PHC1: variants seen among roughly 807,000 people sequenced by gnomAD.
PHC1 encodes the protein polyhomeotic homolog 1.
Under a neutral mutation model 104.3 loss-of-function variants are expected in PHC1, and 12 were observed. The observed-to-expected ratio is 0.12, with a 90% CI of 0.07 to 0.19. The LOEUF (loss-of-function observed/expected upper bound fraction) is 0.19. Among genes scored for constraint, PHC1 ranks in the 10% least tolerant of loss-of-function variants. The pLI is 1.00. For missense variants in PHC1, 671 were observed against 1,200.0 expected, an observed-to-expected ratio of 0.56 and a Z score of 6.51; for synonymous variants, 302 against 455.8, an observed-to-expected ratio of 0.66 and a Z score of 4.30.
chr12:8,931,627 T>C (rs1451867142), intron 7 of PHC1, among the ~76,000 whole-genome samples: 4 of 152,126 alleles, frequency 2.6e-5, no homozygotes, highest in Non-Finnish European at 5.9e-5. Context: ...TTGAACCCGG[T>C]TGGCAGAGGT....
chr12:8,931,073 C>A, intron 7 of PHC1, 146 bp downstream of exon 7: 1 of 810,578 alleles, frequency 1.2e-6, no homozygotes, highest in Non-Finnish European at 1.9e-6. Context: ...GGAATAATAT[C>A]AGCCTTGAAC....
At chr12:8,937,413 G>T (rs982660588) in intron 13 of PHC1, 87 bp downstream of exon 13, 4 of 1,225,128 alleles carry the variant, frequency 3.3e-6, no homozygotes, top group Non-Finnish European at 4.5e-6. Context: ...CAGGTAAGAG[G>T]GTGTGAGATG....
intron 14 of PHC1, 59 bp from the exon 15 acceptor site, chr12:8,939,246 T>C: frequency 1.9e-6 from 3 of 1,601,392 alleles, no homozygotes; most frequent in Non-Finnish European, 2.6e-6. Context: ...CTCAGTTTCA[T>C]TTAGCTTCCC....
intron 4 of PHC1, 51 bp downstream of exon 4, chr12:8,921,116 C>G: frequency 1.5e-6 from 2 of 1,376,700 alleles, no homozygotes; most frequent in Non-Finnish European, 1.0e-6. Context: ...GTCTTTGTCT[C>G]TGGGTTAAAT....
At position 8,921,685 on chromosome 12, in the gene PHC1, T is replaced by C. The variant is rs1945368546; in HGVS notation, c.391T>C (p.Ser131Pro). Residue 131 changes from serine to proline, a missense_variant, in exon 5 of 15, where the codon TCT (serine) becomes CCT (proline). Ser to Pro is a moderately conservative substitution (Grantham distance 74, BLOSUM62 -1). Around this residue, in one of 9 missense-constraint regions of PHC1, gnomAD observed 237 missense variants for 331.1 expected, o/e 0.72. Transcript: ENST00000544916. ...SSPSATTLTQ[S>P]VLLGNTTSPP... is the part of the protein sequence containing the mutation. The stretch of plus-strand genomic sequence containing the variant: ...TCCCAGTGCTACCACCTTGACCCAA[T>C]CTGTGCTACTGGGGAACACCACCTC... The C allele has an allele frequency of 3.1e-6, 5 of 1,613,448 alleles. No homozygotes were observed. The highest frequency in any genetic ancestry group is 2.2e-5 in the East Asian group (1 of 44,874).
intron 6 of PHC1, among the ~76,000 whole-genome samples, chr12:8,924,530 G>T (rs1024241700): frequency 5.9e-5 from 9 of 152,206 alleles, no homozygotes; most frequent in Non-Finnish European, 1.2e-4. Context: ...TGACACATGA[G>T]TTTGGAAAAG....
At position 8,937,815 on chromosome 12, in the gene PHC1, C is replaced by G. The variant is rs774115077; in HGVS notation, c.2629-14C>G. 6.2e-7 allele frequency: 1 copy of G among 1,607,394 alleles called. No homozygotes were observed. Among genetic ancestry groups the G allele is most frequent in the Non-Finnish European group, 8.5e-7 (1 of 1,174,096 alleles). ...TTGACACTGACCTCATTGGTTTGCT[C>G]TTTTCCCCTATAGGGTCAAGAAGAC... On this transcript the variant is annotated splice_polypyrimidine_tract_variant and intron_variant, in intron 13 of 14. Transcript: ENST00000544916.
Position 8,930,725 on chromosome 12 carries a change from TG to T in PHC1, c.906del (p.Ser303AlafsTer19). 1 of 1,263,910 alleles carries T rather than the reference TG, an allele frequency of 7.9e-7. No individual in the cohort carries two copies. The highest frequency in any genetic ancestry group is 1.1e-6 in the Non-Finnish European group (1 of 904,008). The allele number at this position is 1,263,910 out of a possible 1,614,324, so 78.3% of individuals were successfully genotyped here. A position where few individuals can be genotyped will look rare whatever the true frequency, so the allele number is the denominator to read the frequency against. ...AGTTGCCTTCCTCAGGAATGGGTGG[TG>T]GGAGCTGTCCCAGAAAGGGTACAGG... ...GQLPSSGMGG[G>X]SCPRKGTGVV... On this transcript the variant is annotated frameshift_variant, in exon 7 of 15. Coordinates refer to ENST00000544916, the MANE Select transcript of PHC1 (RefSeq NM_004426.3). LOFTEE classifies it high-confidence loss of function.
chr12:8,923,829 CAAAA>C (rs67936637), intron 6 of PHC1, among the ~76,000 whole-genome samples: 1 of 122,466 alleles, frequency 8.2e-6, no homozygotes. Flanking sequence ...GACTCCGTCT[CAAAA>C]AAAAAAAAAA....
intron 8 of PHC1, 136 bp downstream of exon 8, chr12:8,933,486 A>G: frequency 9.0e-7 from 1 of 1,107,536 alleles, no homozygotes; most frequent in Non-Finnish European, 1.3e-6. Flanking sequence ...CTTCTTCTGT[A>G]AGAGAGTGAC....
chr12:8,915,307 G>T (rs776145582), intron 1 of PHC1: 34 of 152,136 alleles, frequency 2.2e-4, no homozygotes, highest in South Asian at 4.2e-4. Flanking sequence ...TTTTCATCAA[G>T]GTTCTATATA....
chr12:8,925,129 C>T (rs952968380), intron 6 of PHC1, among the ~76,000 whole-genome samples: 3 of 152,166 alleles, frequency 2.0e-5, no homozygotes, highest in Non-Finnish European at 2.9e-5. Flanking sequence ...GATTCCAGCT[C>T]CACTACTTAC....
At chr12:8,927,170 A>G (rs748419977) in intron 6 of PHC1, among the ~76,000 whole-genome samples, 1 of 152,166 alleles carries the variant, frequency 6.6e-6, no homozygotes, top group Non-Finnish European at 1.5e-5. Context: ...ATCTCTTTCT[A>G]ATGTAGAGAG....
chr12:8,939,868 G>C lies in PHC1; in HGVS notation c.*409G>C, dbSNP rs1345301528. 2.2e-6 allele frequency: 1 copy of C among 458,578 alleles called. No homozygotes were observed. Among genetic ancestry groups the C allele is most frequent in the Non-Finnish European group, 4.4e-6 (1 of 228,422 alleles). 28.4% of individuals were successfully genotyped at this position (458,578 alleles called of 1,614,324 possible). Reference sequence around the variant, plus strand: ...GAATGTCAGGTTGCCTGCCCAATGGGAGAGGTAGGGTTTTTCTAGCTTGTG... The same window carrying C: ...GAATGTCAGGTTGCCTGCCCAATGGCAGAGGTAGGGTTTTTCTAGCTTGTG... On this transcript the variant is annotated 3_prime_UTR_variant, in exon 15 of 15. Coordinates refer to ENST00000544916, the MANE Select transcript of PHC1 (RefSeq NM_004426.3).
intron 5 of PHC1, 80 bp downstream of exon 5, chr12:8,921,830 T>A: frequency 7.3e-7 from 1 of 1,372,292 alleles, no homozygotes; most frequent in Non-Finnish European, 9.9e-7. Context: ...AAGCTTTTTT[T>A]TGAGACAGAA....
Position 8,940,116 on chromosome 12 carries a change from TG to T in PHC1, c.*658del. On this transcript the variant is annotated 3_prime_UTR_variant, in exon 15 of 15. Coordinates refer to ENST00000544916, the MANE Select transcript of PHC1 (RefSeq NM_004426.3). ...TGTTGTCATTCTTTCTGCATCCCAC[TG>T]TTCCCCTCCAATTTATGTTATTTTC... is the stretch of plus-strand genomic sequence containing the variant. 2.9e-6 allele frequency: 1 copy of T among 349,704 alleles called. No individual in the cohort carries two copies. Among genetic ancestry groups the T allele is most frequent in the South Asian group, 2.2e-5 (1 of 46,192 alleles). 21.7% of individuals were successfully genotyped at this position (349,704 alleles called of 1,614,324 possible).
intron 10 of PHC1, 91 bp from the exon 11 acceptor site, chr12:8,935,033 A>T (rs1260864769): frequency 1.1e-5 from 7 of 657,716 alleles, no homozygotes; most frequent in Non-Finnish European, 5.4e-6. Context: ...AGATCCAAGC[A>T]GAGACATAAT....
At chr12:8,938,684 A>G (rs1473925740) in intron 14 of PHC1, among the ~76,000 whole-genome samples, 1 of 152,120 alleles carries the variant, frequency 6.6e-6, no homozygotes, top group Non-Finnish European at 1.5e-5. Flanking sequence ...TATCACAAAG[A>G]ATCTTTTTGC....
intron 1 of PHC1, chr12:8,915,753 C>T (rs1431302082): frequency 6.6e-6 from 1 of 152,210 alleles, no homozygotes; most frequent in Admixed American, 6.6e-5. Flanking sequence ...TTTATGTGCC[C>T]GGGATCCAGG....
Sources: allele counts gnomAD v4.1 joint callset (sites outside exome capture counted in the v4.1 genomes callset), GRCh38; gene constraint gnomAD v4.1.1; regional missense constraint gnomAD v4.1.1; transcripts MANE v1.5; gene names NCBI Gene and HGNC (gene_info 2026-07-23, HGNC 2026-07-21).